Variants in SINHCAF observed in about 807,000 individuals in gnomAD.
SINHCAF encodes SIN3-HDAC complex associated factor.
SINHCAF carries 3 observed loss-of-function variants against 25.8 expected under a neutral mutation model. The ratio of observed to expected loss-of-function variants is 0.12; its 90% confidence interval spans 0.05 to 0.30. SINHCAF has a LOEUF of 0.30. Among genes scored for constraint, SINHCAF ranks in the 10% least tolerant of loss-of-function variants. SINHCAF has a pLI of 1.00. For missense variants in SINHCAF, 121 were observed against 262.3 expected (o/e 0.46, Z 3.72); for synonymous variants, 70 against 85.5 (o/e 0.82, Z 1.00).
rs1246219844 is a variant in SINHCAF at position 31,280,668 on chromosome 12, A to C, written c.*2044T>G. 6.6e-6 allele frequency: 1 copy of C among 152,606 alleles called. No individual in the cohort carries two copies. The highest frequency in any genetic ancestry group is 1.5e-5 in the Non-Finnish European group (1 of 68,030). 9.5% of individuals were successfully genotyped at this position (152,606 alleles called of 1,614,324 possible). On this transcript the variant is annotated 3_prime_UTR_variant, in exon 6 of 6. Coordinates refer to ENST00000337682, the MANE Select transcript of SINHCAF (RefSeq NM_001135812.2). ...TATCCAACAGTATAAAAAGTACAAA[A>C]CAGATCTGTAGATTTCTAATATATT...
intron 5 of SINHCAF, among the ~76,000 whole-genome samples, chr12:31,286,767 G>A (rs1156483559): frequency 6.6e-6 from 1 of 151,962 alleles, no homozygotes; most frequent in Non-Finnish European, 1.5e-5. Context: ...AGTGGCTGAT[G>A]ATATATTTGT....
intron 1 of SINHCAF, among the ~76,000 whole-genome samples, chr12:31,305,322 C>T (rs1262047065): frequency 2.6e-5 from 4 of 152,262 alleles, no homozygotes; most frequent in East Asian, 1.9e-4. Flanking sequence ...CACTGTGGGA[C>T]GTGTCTTGCA....
intron 1 of SINHCAF, chr12:31,303,006 A>G (rs1387260480): frequency 3.0e-6 from 3 of 985,172 alleles, no homozygotes; most frequent in Admixed American, 1.2e-4. Context: ...ATCATCAATC[A>G]TCTATCTGTC....
At position 31,324,074 on chromosome 12, in the gene SINHCAF, G is replaced by A; in HGVS notation, c.-21+1950C>T. ...ATCTCGCGTCGGGAGGAAAGTTCCTGCGGGGGCCGCTCGCCGGGGCGAGGG... is the reference window on the plus strand; with the variant it reads ...ATCTCGCGTCGGGAGGAAAGTTCCTACGGGGGCCGCTCGCCGGGGCGAGGG... On this transcript the variant is annotated intron_variant, in intron 1 of 5. Transcript: ENST00000337682. This position sits in a 1 kb window ranked among gnomAD's most constrained non-coding sequence, Gnocchi z 5.5. The A allele has an allele frequency of 2.2e-6, 1 of 454,064 alleles. No homozygotes were observed. The highest frequency in any genetic ancestry group is 4.4e-6 in the Non-Finnish European group (1 of 226,734). The allele number at this position is 454,064 out of a possible 1,614,324, so 28.1% of individuals were successfully genotyped here. A position where few individuals can be genotyped will look rare whatever the true frequency, so the allele number is the denominator to read the frequency against.
intron 1 of SINHCAF, among the ~76,000 whole-genome samples, chr12:31,317,553 G>T (rs1939539939): frequency 6.6e-6 from 1 of 151,646 alleles, no homozygotes; most frequent in Admixed American, 6.6e-5. Flanking sequence ...ATAGTAAATA[G>T]TGGTTGCCTC....
intron 4 of SINHCAF, among the ~76,000 whole-genome samples, chr12:31,289,689 CAG>C (rs1375426908): frequency 3.9e-5 from 6 of 151,996 alleles, no homozygotes; most frequent in African/African-American, 1.5e-4. Context: ...GACACGTTGA[CAG>C]AGCAATCCTT....
In SINHCAF at chr12:31,295,314, C is replaced by T; in HGVS notation, c.148G>A (p.Gly50Arg). 1 of 1,608,452 alleles carries T rather than the reference C, an allele frequency of 6.2e-7. No individual in the cohort carries two copies. The highest frequency in any genetic ancestry group is 8.5e-7 in the Non-Finnish European group (1 of 1,176,782). The change falls in exon 3 of 6, where the codon GGA becomes AGA. Residue 50 changes from glycine (G) to arginine (R), a missense_variant. Coordinates refer to ENST00000337682, the MANE Select transcript of SINHCAF (RefSeq NM_001135812.2). ...AGGACACAGGCATTGCAGATGTCTC[C>T]TGAACGAGTCTCATGCAATCTGATA... ...SCFGLHETRSGDICNACVLLV... is the reference protein window; with the variant it reads ...SCFGLHETRSRDICNACVLLV...
chr12:31,309,094 C>T (rs1939151489), intron 1 of SINHCAF, among the ~76,000 whole-genome samples: 1 of 141,032 alleles, frequency 7.1e-6, no homozygotes, highest in Non-Finnish European at 1.5e-5. Flanking sequence ...TGCCACTGTA[C>T]TCCAGCCTAG....
At chr12:31,289,758 GT>G (rs1391026675) in intron 4 of SINHCAF, among the ~76,000 whole-genome samples, 1 of 149,768 alleles carries the variant, frequency 6.7e-6, no homozygotes, top group African/African-American at 2.5e-5. Flanking sequence ...CAAATCCTAT[GT>G]TACATGCTGC....
At chr12:31,321,250 G>C (rs1939683192) in intron 1 of SINHCAF, among the ~76,000 whole-genome samples, 1 of 152,148 alleles carries the variant, frequency 6.6e-6, no homozygotes. Context: ...AGACAATCTT[G>C]TGGACAAGAG....
At chr12:31,285,970 G>A in intron 5 of SINHCAF, among the ~76,000 whole-genome samples, 1 of 140,914 alleles carries the variant, frequency 7.1e-6, no homozygotes. Context: ...GTGAAACTCT[G>A]TCTCAAAAAA....
chr12:31,295,415 C>A (rs988177770), intron 2 of SINHCAF, 82 bp from the exon 3 acceptor site: 68 of 876,510 alleles, frequency 7.8e-5, no homozygotes, highest in Middle Eastern at 2.2e-4. Context: ...GGGGAAAAAA[C>A]TGTATCTATG....
At chr12:31,297,307 C>T (rs893246561) in intron 2 of SINHCAF, among the ~76,000 whole-genome samples, 5 of 151,812 alleles carry the variant, frequency 3.3e-5, no homozygotes, top group African/African-American at 1.2e-4. Flanking sequence ...AGGCATGTAC[C>T]GCCACGTCTG....
chr12:31,293,867 A>G lies in SINHCAF; in HGVS notation c.293T>C (p.Leu98Pro). ...GTTGCTTTTTATCCTGTTCCCAGAT[A>G]GAGTTTTCACTTTCTTTGGTTTCAA... is the stretch of plus-strand genomic sequence containing the variant. ...TTLKPKKVKT[L>P]SGNRIKSNQI... The change falls in exon 4 of 6, where the codon CTA becomes CCA. Residue 98 changes from leucine (L) to proline (P), a missense_variant. Coordinates refer to ENST00000337682, the MANE Select transcript of SINHCAF (RefSeq NM_001135812.2). The G allele has an allele frequency of 6.2e-7, 1 of 1,613,530 alleles. No individual in the cohort carries two copies. The highest frequency in any genetic ancestry group is 8.5e-7 in the Non-Finnish European group (1 of 1,179,642).
chr12:31,315,406 G>A (rs1298712122), intron 1 of SINHCAF, among the ~76,000 whole-genome samples: 3 of 152,226 alleles, frequency 2.0e-5, no homozygotes, highest in Admixed American at 2.0e-4. Flanking sequence ...AACCCAAGGG[G>A]TCAGCTTTAG....
chr12:31,301,745 TAAAAAAACAACAAAAAAA>T (rs1230629224), intron 1 of SINHCAF, among the ~76,000 whole-genome samples: 2 of 149,998 alleles, frequency 1.3e-5, no homozygotes, highest in Non-Finnish European at 3.0e-5. Flanking sequence ...ATGAAATGTT[TAAAAAAACAACAAAAAAA>T]AAACACTACT....
chr12:31,311,507 C>T (rs968829694), intron 1 of SINHCAF: 3 of 206,622 alleles, frequency 1.5e-5, no homozygotes, highest in Non-Finnish European at 2.9e-5. Context: ...AGAATCAGGA[C>T]TCCAGGCAGG....
chr12:31,293,985 C>T, intron 3 of SINHCAF, 54 bp from the exon 4 acceptor site: 1 of 1,464,480 alleles, frequency 6.8e-7, no homozygotes, highest in Non-Finnish European at 9.2e-7. Flanking sequence ...ACCAGTGTAT[C>T]CCTTTGGTTC....
At chr12:31,293,732 C>T in intron 4 of SINHCAF, 73 bp downstream of exon 4, 1 of 1,311,576 alleles carries the variant, frequency 7.6e-7, no homozygotes. Flanking sequence ...ATGATCCACA[C>T]ATGCCATACA....
Sources: gnomAD v4.1 joint callset for allele counts (sites outside exome capture counted in the v4.1 genomes callset) on GRCh38, gnomAD v4.1.1 for gene constraint, Gnocchi (gnomAD v3.1) non-coding constraint, MANE v1.5 for transcripts, NCBI Gene and HGNC (gene_info 2026-07-23, HGNC 2026-07-21) for gene names.